The following UNC5B variants were observed in gnomAD, a reference collection of about 807,000 sequenced individuals.
UNC5B encodes the protein unc-5 netrin receptor B, also known as netrin receptor UNC5B.
Under a neutral mutation model 103.7 loss-of-function variants are expected in UNC5B, and 56 were observed. That is an observed-to-expected ratio of 0.54 (90% CI 0.44 to 0.67). The LOEUF (loss-of-function observed/expected upper bound fraction) is 0.67, where lower values mean the gene tolerates loss of function less well. Ranked by LOEUF, UNC5B falls within the 30% of genes least tolerant of loss-of-function variation. UNC5B has a pLI of 0.00. For synonymous variants in UNC5B, 577 were observed against 542.0 expected, an observed-to-expected ratio of 1.06 and a Z score of -0.90; for missense variants, 1,194 against 1,284.5, an observed-to-expected ratio of 0.93 and a Z score of 1.08.
intron 1 of UNC5B, among the ~76,000 whole-genome samples, chr10:71,224,800 T>C (rs1268959986): frequency 6.6e-6 from 1 of 152,242 alleles, no homozygotes; most frequent in Non-Finnish European, 1.5e-5. Flanking sequence ...AGTGGGATTT[T>C]GGATTGCTGG....
At position 71,291,813 on chromosome 10, in the gene UNC5B, C is replaced by T. The variant is rs977364814; in HGVS notation, c.1676C>T (p.Pro559Leu). ...TGCCTGGGTGGGAGGCTCAGCATCC[C>T]CGGCACAGGTGAGCCCCTGCCCTGC... ...FGCLGGRLSI[P>L]GTGVSLLVPN... Residue 559 changes from proline to leucine, a missense_variant, in exon 10 of 17, where the codon CCC (proline) becomes CTC (leucine). By Grantham distance (98) the Pro-to-Leu change is moderately conservative. Transcript: ENST00000335350. 5.6e-6 allele frequency: 9 copies of T among 1,595,908 alleles called. No homozygotes were observed. Among genetic ancestry groups the T allele is most frequent in the East Asian group, 4.5e-5 (2 of 44,830 alleles).
intron 1 of UNC5B, among the ~76,000 whole-genome samples, chr10:71,235,663 G>A (rs547214047): frequency 8.5e-5 from 13 of 152,286 alleles, no homozygotes; most frequent in South Asian, 4.1e-4. Context: ...GGGGGTTCCC[G>A]GAGCCCAGCC....
intron 1 of UNC5B, among the ~76,000 whole-genome samples, chr10:71,255,239 A>G (rs1277963986): frequency 2.0e-5 from 3 of 152,250 alleles, no homozygotes; most frequent in Non-Finnish European, 4.4e-5. Context: ...GAACATCTCC[A>G]TGCTCACAGC....
chr10:71,286,365 A>G (rs773921585), intron 4 of UNC5B, among the ~76,000 whole-genome samples: 1 of 152,192 alleles, frequency 6.6e-6, no homozygotes, highest in Non-Finnish European at 1.5e-5. Context: ...GTTTAACTCA[A>G]CTTCCTCTGA....
At position 71,289,021 on chromosome 10, in the gene UNC5B, C is replaced by T. The variant is rs757506998; in HGVS notation, c.1099+31C>T. The T allele has an allele frequency of 9.3e-6, 15 of 1,614,060 alleles. 1 individual carries two copies. The East Asian group carries it at 3.1e-4, about 34-fold the overall frequency. ...TCCCATTTCATGGCTGTCCTCTTTC[C>T]TCTGGGGGATCCCTGGTTCTCTTTG... On this transcript the variant is annotated intron_variant, in intron 8 of 16. Coordinates refer to ENST00000335350, the MANE Select transcript of UNC5B (RefSeq NM_170744.5).
intron 1 of UNC5B, among the ~76,000 whole-genome samples, chr10:71,242,474 C>A (rs1171829049): frequency 6.6e-6 from 1 of 152,192 alleles, no homozygotes; most frequent in Non-Finnish European, 1.5e-5. Context: ...GGGCCCTGCA[C>A]CAATACAGTC....
chr10:71,260,955 C>T (rs543847151), intron 1 of UNC5B, among the ~76,000 whole-genome samples: 3 of 152,218 alleles, frequency 2.0e-5, no homozygotes, highest in Non-Finnish European at 2.9e-5. Context: ...ACTGCTCCCC[C>T]GCAGCCCTTA....
At chr10:71,271,326 A>G (rs547609290) in intron 1 of UNC5B, among the ~76,000 whole-genome samples, 51 of 152,364 alleles carry the variant, frequency 3.3e-4, no homozygotes, top group African/African-American at 1.2e-3. Context: ...TGGAACACAC[A>G]GGATTTTCAG....
chr10:71,221,938 A>T (rs919241289), intron 1 of UNC5B, among the ~76,000 whole-genome samples: 2 of 152,254 alleles, frequency 1.3e-5, no homozygotes, highest in African/African-American at 4.8e-5. Flanking sequence ...AAATGAGATC[A>T]TGCTTAAAAG....
rs1197768954 is a variant in UNC5B at position 71,299,627 on chromosome 10, G to T, written c.*350G>T. 4.3e-6 allele frequency: 1 copy of T among 231,238 alleles called. No homozygotes were observed. Among genetic ancestry groups the T allele is most frequent in the African/African-American group, 2.8e-5 (1 of 35,326 alleles). 14.3% of individuals were successfully genotyped at this position (231,238 alleles called of 1,614,324 possible). A position where few individuals can be genotyped will look rare whatever the true frequency, so the allele number is the denominator to read the frequency against. On this transcript the variant is annotated 3_prime_UTR_variant, in exon 17 of 17. Transcript: ENST00000335350. ...CCACCCTCAGCCCGGCAACTTCTGGGTTCCATGGGTTTTAGTTCCGTTCTC... is the reference window on the plus strand; with the variant it reads ...CCACCCTCAGCCCGGCAACTTCTGGTTTCCATGGGTTTTAGTTCCGTTCTC...
rs368930987 is a variant in UNC5B at position 71,293,838 on chromosome 10, C to T, written c.2080C>T (p.Arg694Trp). 14 of 1,611,212 alleles carry T rather than the reference C, an allele frequency of 8.7e-6. No individual in the cohort carries two copies. Among genetic ancestry groups the T allele is most frequent in the African/African-American group, 2.7e-5 (2 of 74,854 alleles). ...GTCCTATTCCCGCTCAGCAGTCAAG[C>T]GGCTCCAGCTGGCCGTCTTCGCCCC... ...GESYSRSAVK[R>W]LQLAVFAPAL... Residue 694 changes from arginine (R) to tryptophan (W), a missense_variant, in exon 13 of 17, where the codon CGG becomes TGG. Coordinates refer to ENST00000335350, the MANE Select transcript of UNC5B (RefSeq NM_170744.5).
At chr10:71,277,972 C>T (rs112793602) in intron 1 of UNC5B, among the ~76,000 whole-genome samples, 40 of 152,316 alleles carry the variant, frequency 2.6e-4, no homozygotes, top group African/African-American at 5.3e-4. Flanking sequence ...TACAGAGCTA[C>T]GTAGATCAAT....
chr10:71,297,949 G>A lies in UNC5B; in HGVS notation c.2531G>A (p.Gly844Asp). The change falls in exon 16 of 17, where the codon GGC becomes GAC. Residue 844 changes from glycine to aspartate, a missense_variant. Transcript: ENST00000335350. ...GSLDTLCSAP[G>D]STVTTQLGPY... ...CTGGACACTCTCTGCTCTGCCCCTG[G>A]CAGCACTGTCACCACCCAGCTGGGA... The A allele has an allele frequency of 6.2e-7, 1 of 1,613,804 alleles. No homozygotes were observed. Among genetic ancestry groups the A allele is most frequent in the Non-Finnish European group, 8.5e-7 (1 of 1,179,906 alleles).
At position 71,216,180 on chromosome 10, in the gene UNC5B, T is replaced by A. The variant is rs145575952; in HGVS notation, c.79+3116T>A. ...TAGCGCCAGGACTTGAACTGAGGCC[T>A]CACAACCTCAATCTAGTGCTTCTAG... On this transcript the variant is annotated intron_variant, in intron 1 of 16. Coordinates refer to ENST00000335350, the MANE Select transcript of UNC5B (RefSeq NM_170744.5). Among the ~76,000 whole-genome samples, 181 of 152,312 alleles carry A rather than the reference T, an allele frequency of 1.2e-3. No homozygotes were observed. In the Middle Eastern group the frequency reaches 0.02, roughly 17 times the overall value.
At chr10:71,224,899 C>T (rs1234624153) in intron 1 of UNC5B, among the ~76,000 whole-genome samples, 2 of 152,158 alleles carry the variant, frequency 1.3e-5, no homozygotes, top group African/African-American at 4.8e-5. Context: ...TAGGGTTATC[C>T]TACAGACTTC....
intron 15 of UNC5B, 30 bp from the exon 16 acceptor site, chr10:71,297,879 C>A (rs758709892): frequency 4.4e-6 from 7 of 1,594,374 alleles, no homozygotes; most frequent in Middle Eastern, 2.1e-4. Context: ...AGCACTGTGC[C>A]CCTCTCACTC....
In UNC5B at chr10:71,213,022, C is replaced by T; in HGVS notation, c.37C>T (p.Leu13=). The T allele has an allele frequency of 1.4e-6, 2 of 1,421,508 alleles. No homozygotes were observed. Among genetic ancestry groups the T allele is most frequent in the South Asian group, 1.6e-5 (1 of 62,626 alleles). The allele number at this position is 1,421,508 out of a possible 1,614,324, so 88.1% of individuals were successfully genotyped here. Reference sequence around the variant, plus strand: ...GAGCGGAGCTCGGGGCGCGCTGCTGCTGGCACTGCTGCTCTGCTGGGACCC... The same window carrying T: ...GAGCGGAGCTCGGGGCGCGCTGCTGTTGGCACTGCTGCTCTGCTGGGACCC... ...ARSGARGALL[L]ALLLCWDPRL... Residue 13 remains leucine (L), a synonymous_variant, in exon 1 of 17, where the codon CTG becomes TTG. Transcript: ENST00000335350. This position sits in a 1 kb window ranked among gnomAD's most constrained non-coding sequence, Gnocchi z 4.1.
chr10:71,239,499 T>C (rs1244254872), intron 1 of UNC5B, among the ~76,000 whole-genome samples: 1 of 152,136 alleles, frequency 6.6e-6, no homozygotes, highest in Non-Finnish European at 1.5e-5. Context: ...ACTTAACCTC[T>C]TGGGCCCTGT....
chr10:71,258,115 C>A (rs903489212), intron 1 of UNC5B, among the ~76,000 whole-genome samples: 3 of 152,238 alleles, frequency 2.0e-5, no homozygotes, highest in Non-Finnish European at 4.4e-5. Context: ...GCCCATTTTA[C>A]AGGCGGAGAA....
Sources: allele counts gnomAD v4.1 joint callset (sites outside exome capture counted in the v4.1 genomes callset), GRCh38; gene constraint gnomAD v4.1.1; non-coding constraint Gnocchi (gnomAD v3.1); transcripts MANE v1.5; gene names NCBI Gene and HGNC (gene_info 2026-07-23, HGNC 2026-07-21).